TENM2: variants seen among roughly 807,000 people sequenced by gnomAD.
The protein encoded by TENM2 is teneurin transmembrane protein 2.
Under a neutral mutation model 245.2 loss-of-function variants are expected in TENM2, and 52 were observed. That is an observed-to-expected ratio of 0.21 (90% CI 0.17 to 0.27). The LOEUF (loss-of-function observed/expected upper bound fraction) is 0.27. Among genes scored for constraint, TENM2 ranks in the 10% least tolerant of loss-of-function variants. The probability of loss-of-function intolerance (pLI) is 1.00; values close to 1 mark genes in which losing one functional copy is unlikely to be tolerated. For synonymous variants in TENM2, 1,363 were observed against 1,438.9 expected (o/e 0.95, Z 1.19); for missense variants, 3,046 against 3,666.8 (o/e 0.83, Z 4.37).
chr5:168,209,336 A>G lies in TENM2; in HGVS notation c.3825-2398A>G, dbSNP rs564388500. The stretch of plus-strand genomic sequence containing the variant: ...ACCAGTTTGTCATTGATGTCCTTGT[A>G]TTAGTGAAATATGAATTCTACATGG... On this transcript the variant is annotated intron_variant, in intron 19 of 28. Transcript: ENST00000518659. Among the ~76,000 whole-genome samples the G allele has an allele frequency of 8.5e-5, 13 of 152,330 alleles. No homozygotes were observed. The East Asian group carries it at 2.5e-3, about 29-fold the overall frequency.
intron 2 of TENM2, among the ~76,000 whole-genome samples, chr5:167,406,166 C>T (rs149198787): frequency 1.3e-5 from 2 of 152,152 alleles, no homozygotes; most frequent in Admixed American, 1.3e-4. Flanking sequence ...AACGAATAGA[C>T]TCTTGTTTAA....
intron 2 of TENM2, among the ~76,000 whole-genome samples, chr5:167,630,882 T>C (rs1432229990): frequency 6.6e-6 from 1 of 152,216 alleles, no homozygotes; most frequent in Admixed American, 6.5e-5. Context: ...GGCAAAATTA[T>C]ACAGAAGATT....
At chr5:167,832,375 T>C (rs1009675826) in intron 2 of TENM2, among the ~76,000 whole-genome samples, 2 of 152,240 alleles carry the variant, frequency 1.3e-5, no homozygotes, top group Admixed American at 6.5e-5. Flanking sequence ...CCCACACGCT[T>C]GTCTGTGTAG....
At chr5:167,843,242 T>G (rs1181756236) in intron 2 of TENM2, among the ~76,000 whole-genome samples, 1 of 152,130 alleles carries the variant, frequency 6.6e-6, no homozygotes, top group Non-Finnish European at 1.5e-5. Context: ...CCCAATAAAA[T>G]TACATTTGGC....
chr5:167,555,085 G>A (rs1056794342), intron 2 of TENM2, among the ~76,000 whole-genome samples: 1 of 152,042 alleles, frequency 6.6e-6, no homozygotes, highest in African/African-American at 2.4e-5. Flanking sequence ...AGTCATGCGC[G>A]TGCACGCACA....
intron 2 of TENM2, among the ~76,000 whole-genome samples, chr5:167,610,548 G>C (rs573945219): frequency 6.6e-6 from 1 of 152,270 alleles, no homozygotes; most frequent in South Asian, 2.1e-4. Flanking sequence ...TTTAGGAGCT[G>C]TGTGCCAGGA....
chr5:167,054,148 C>A, the TENM2 span, among the ~76,000 whole-genome samples: 1 of 152,158 alleles, frequency 6.6e-6, no homozygotes, highest in African/African-American at 2.4e-5. Context: ...TGTAGTATGT[C>A]ATACAGAATA....
chr5:167,016,853 T>G, the TENM2 span, among the ~76,000 whole-genome samples: 1 of 152,178 alleles, frequency 6.6e-6, no homozygotes, highest in East Asian at 1.9e-4. Context: ...TATTCATGCT[T>G]TGTGGTAGAA....
rs994667650 is a variant in TENM2 at position 167,580,092 on chromosome 5, G to A, written c.502+204619G>A. ...AGAATCATAATTGCCTATAGAGTAC[G>A]GTCCTGATTATCCAGGGTTTGAATT... On this transcript the variant is annotated intron_variant, in intron 2 of 28. Transcript: ENST00000518659. Among the ~76,000 whole-genome samples, 12 of 152,204 alleles carry A rather than the reference G, an allele frequency of 7.9e-5. No homozygotes were observed. The East Asian group carries it at 1.9e-3, about 25-fold the overall frequency.
At chr5:167,175,576 G>A in the TENM2 span, among the ~76,000 whole-genome samples, 2 of 152,112 alleles carry the variant, frequency 1.3e-5, no homozygotes, top group African/African-American at 2.4e-5. Context: ...TGAATTTTCT[G>A]TCTTCAATGT....
chr5:167,475,335 A>G (rs193035928), intron 2 of TENM2, among the ~76,000 whole-genome samples: 6 of 152,326 alleles, frequency 3.9e-5, no homozygotes, highest in East Asian at 1.9e-4. Flanking sequence ...GTTTATGTAC[A>G]TTATACCTGC....
chr5:167,861,550 A>G (rs897658786), intron 2 of TENM2, among the ~76,000 whole-genome samples: 13 of 152,224 alleles, frequency 8.5e-5, no homozygotes, highest in African/African-American at 3.1e-4. Flanking sequence ...CCTGCTTGGC[A>G]TTTACCTTCC....
chr5:167,697,418 C>T (rs903468934), intron 2 of TENM2, among the ~76,000 whole-genome samples: 1 of 152,180 alleles, frequency 6.6e-6, no homozygotes, highest in Non-Finnish European at 1.5e-5. Context: ...TATCTGTTGA[C>T]TAGATTATAA....
intron 20 of TENM2, among the ~76,000 whole-genome samples, chr5:168,212,465 T>A (rs57386019): frequency 0.041 from 6,221 of 152,210 alleles, 279 homozygotes; most frequent in East Asian, 0.25. Context: ...TAAGGAAAAA[T>A]GACCTTATTT....
chr5:167,351,681 G>A (rs1234148388), intron 1 of TENM2, among the ~76,000 whole-genome samples: 3 of 152,150 alleles, frequency 2.0e-5, no homozygotes, highest in Non-Finnish European at 4.4e-5. Context: ...GGGGGACAAG[G>A]AATGGTGAAT....
At chr5:167,910,703 T>A (rs1285394409) in intron 3 of TENM2, among the ~76,000 whole-genome samples, 1 of 152,222 alleles carries the variant, frequency 6.6e-6, no homozygotes, top group African/African-American at 2.4e-5. Flanking sequence ...ATGGAGCAGA[T>A]GTTTCTGAAC....
intron 2 of TENM2, among the ~76,000 whole-genome samples, chr5:167,647,324 A>G (rs1251627361): frequency 6.6e-6 from 1 of 152,144 alleles, no homozygotes; most frequent in Non-Finnish European, 1.5e-5. Context: ...AAGCAGGACC[A>G]TAAGAAAACG....
intron 2 of TENM2, among the ~76,000 whole-genome samples, chr5:167,736,172 C>A (rs1760783243): frequency 6.6e-6 from 1 of 151,942 alleles, no homozygotes; most frequent in Non-Finnish European, 1.5e-5. Context: ...AGGAGAAGTA[C>A]AGAGTGAGGG....
the TENM2 span, among the ~76,000 whole-genome samples, chr5:167,084,328 TA>T: frequency 3.5e-3 from 43 of 12,234 alleles, 1 homozygote; most frequent in African/African-American, 8.3e-3. Flanking sequence ...CCATTTTAGT[TA>T]TATATATATA....
Sources: allele counts gnomAD v4.1 joint callset (sites outside exome capture counted in the v4.1 genomes callset), GRCh38; gene constraint gnomAD v4.1.1; transcripts MANE v1.5; gene names NCBI Gene and HGNC (gene_info 2026-07-23, HGNC 2026-07-21).